Variants in NRG1 observed in about 807,000 individuals in gnomAD.
NRG1 encodes pro-neuregulin-1, membrane-bound isoform.
Under a neutral mutation model 63.8 loss-of-function variants are expected in NRG1, and 18 were observed. The ratio of observed to expected loss-of-function variants is 0.28; its 90% CI spans 0.19 to 0.42. NRG1 has a LOEUF of 0.42. Among genes scored for constraint, NRG1 ranks in the 10% least tolerant of loss-of-function variants. The pLI is 1.00. For missense variants in NRG1, 762 were observed against 814.7 expected (o/e 0.94, Z 0.79); for synonymous variants, 302 against 301.3 (o/e 1.00, Z -0.02).
chr8:32,302,135 A>C (rs1021498102), intron 1 of NRG1, among the ~76,000 whole-genome samples: 5 of 152,142 alleles, frequency 3.3e-5, no homozygotes, highest in Non-Finnish European at 5.9e-5. Context: ...GTAGACCTCC[A>C]CGTTGTACTT....
At chr8:32,755,219 C>T (rs1045150455) in intron 8 of NRG1, among the ~76,000 whole-genome samples, 2 of 152,112 alleles carry the variant, frequency 1.3e-5, no homozygotes, top group African/African-American at 2.4e-5. Context: ...TTAACAAATT[C>T]AATTACTATG....
intron 1 of NRG1, among the ~76,000 whole-genome samples, chr8:32,298,165 A>G (rs898720543): frequency 5.9e-5 from 9 of 152,240 alleles, no homozygotes; most frequent in African/African-American, 2.2e-4. Flanking sequence ...TTATTTCTGC[A>G]ATTATTATTC....
intron 1 of NRG1, among the ~76,000 whole-genome samples, chr8:32,351,613 C>T (rs1006869157): frequency 4.6e-5 from 7 of 152,246 alleles, no homozygotes; most frequent in Admixed American, 1.3e-4. Flanking sequence ...TGCCTTCCAG[C>T]GTCCATCCCA....
At chr8:31,789,717 G>A (rs935535685) in intron 1 of NRG1, among the ~76,000 whole-genome samples, 1 of 152,124 alleles carries the variant, frequency 6.6e-6, no homozygotes, top group Admixed American at 6.5e-5. Flanking sequence ...TACGCAAAAT[G>A]TCATGGCCCT....
chr8:31,897,868 A>AAAAT (rs1479636443), intron 1 of NRG1, among the ~76,000 whole-genome samples: 1 of 151,732 alleles, frequency 6.6e-6, no homozygotes, highest in Non-Finnish European at 1.5e-5. Flanking sequence ...TACAAAAAAA[A>AAAAT]AATGAGCTAG....
chr8:32,516,173 C>T lies in NRG1; in HGVS notation c.38-79655C>T, dbSNP rs369603263. Among the ~76,000 whole-genome samples, 270 of 152,222 alleles carry T rather than the reference C, an allele frequency of 1.8e-3. 1 individual carries two copies. The highest frequency in any genetic ancestry group is 2.9e-3 in the Non-Finnish European group (196 of 68,016). ...TTTATTGAATAAGGAGTCATTTCCC[C>T]ATTGCTTATTTTTGTCGACTTTGTC... On this transcript the variant is annotated intron_variant, in intron 1 of 10. Transcript: ENST00000519301.
intron 1 of NRG1, among the ~76,000 whole-genome samples, chr8:31,766,767 ATTAAATAATTC>A (rs1441239306): frequency 6.6e-6 from 1 of 152,166 alleles, no homozygotes; most frequent in Non-Finnish European, 1.5e-5. Context: ...TTCCCTCTTA[ATTAAATAATTC>A]TTATTTGAAT....
At chr8:32,573,684 G>A (rs922711844) in intron 1 of NRG1, among the ~76,000 whole-genome samples, 1 of 151,464 alleles carries the variant, frequency 6.6e-6, no homozygotes, top group African/African-American at 2.4e-5. Context: ...TAAGTTTTAG[G>A]GTACATGTGC....
intron 1 of NRG1, among the ~76,000 whole-genome samples, chr8:32,261,679 C>A (rs1262236443): frequency 6.6e-6 from 1 of 152,026 alleles, no homozygotes. Flanking sequence ...ACCTCCACTC[C>A]CCCCTTGTAT....
intron 1 of NRG1, among the ~76,000 whole-genome samples, chr8:31,643,601 T>A (rs1333112739): frequency 6.6e-6 from 1 of 152,256 alleles, no homozygotes; most frequent in Non-Finnish European, 1.5e-5. Context: ...GCTTAATTGC[T>A]TTGTAGTTGA....
At chr8:32,559,245 T>TAAA (rs545838945) in intron 1 of NRG1, among the ~76,000 whole-genome samples, 11 of 96,770 alleles carry the variant, frequency 1.1e-4, no homozygotes, top group Admixed American at 6.6e-4. Flanking sequence ...CTCTAAAATG[T>TAAA]AAAAAAAAAA....
intron 1 of NRG1, among the ~76,000 whole-genome samples, chr8:32,433,072 A>G (rs1818351562): frequency 1.3e-5 from 2 of 152,098 alleles, no homozygotes; most frequent in South Asian, 4.1e-4. Flanking sequence ...CATGGCACAT[A>G]CTATCTGCCC....
chr8:32,040,678 C>T (rs1318386933), intron 1 of NRG1, among the ~76,000 whole-genome samples: 7 of 125,826 alleles, frequency 5.6e-5, no homozygotes, highest in Non-Finnish European at 1.2e-4. Flanking sequence ...TATATACACA[C>T]ACACATATAT....
At chr8:32,343,115 C>G (rs1804287716) in intron 1 of NRG1, among the ~76,000 whole-genome samples, 1 of 152,194 alleles carries the variant, frequency 6.6e-6, no homozygotes, top group South Asian at 2.1e-4. Context: ...TGCCGAAGAG[C>G]TAGTCTTTAC....
chr8:32,044,018 A>C (rs1003329943), intron 1 of NRG1, among the ~76,000 whole-genome samples: 1 of 151,946 alleles, frequency 6.6e-6, no homozygotes, highest in African/African-American at 2.4e-5. Context: ...ACCAGAATAA[A>C]TAAAGAAAAA....
intron 1 of NRG1, among the ~76,000 whole-genome samples, chr8:31,934,710 CT>C (rs1237186903): frequency 1.3e-5 from 2 of 151,988 alleles, no homozygotes; most frequent in East Asian, 1.9e-4. Flanking sequence ...TTTAATGAAA[CT>C]TTTTTTGTGT....
intron 1 of NRG1, among the ~76,000 whole-genome samples, chr8:32,426,682 C>T (rs1454195486): frequency 6.6e-6 from 1 of 152,148 alleles, no homozygotes; most frequent in Non-Finnish European, 1.5e-5. Context: ...TCCTTCTAAC[C>T]TTGTCTATAC....
intron 1 of NRG1, among the ~76,000 whole-genome samples, chr8:32,375,853 T>C (rs1809554235): frequency 6.6e-6 from 1 of 152,184 alleles, no homozygotes; most frequent in South Asian, 2.1e-4. Context: ...AAGGCCACCA[T>C]GGCCAGCAAT....
intron 1 of NRG1, among the ~76,000 whole-genome samples, chr8:32,499,853 T>G (rs1319643668): frequency 6.6e-6 from 1 of 152,142 alleles, no homozygotes; most frequent in East Asian, 1.9e-4. Flanking sequence ...GGTTCAGTTG[T>G]CCAACTTCAG....
Sources: gnomAD v4.1 joint callset for allele counts (sites outside exome capture counted in the v4.1 genomes callset) on GRCh38, gnomAD v4.1.1 for gene constraint, MANE v1.5 for transcripts, NCBI Gene and HGNC (gene_info 2026-07-23, HGNC 2026-07-21) for gene names.